TRIM9: variants seen among roughly 807,000 people sequenced by gnomAD.
TRIM9 encodes the protein tripartite motif containing 9, also known as E3 ubiquitin-protein ligase TRIM9.
In TRIM9, 26 loss-of-function variants were observed where a neutral mutation model predicts 78.3. The ratio of observed to expected loss-of-function variants is 0.33; its 90% CI spans 0.24 to 0.46. The LOEUF is 0.46. Ranked by LOEUF, TRIM9 falls within the 20% of genes least tolerant of loss-of-function variation. The pLI is 1.00. For synonymous variants in TRIM9, 398 were observed against 416.5 expected (o/e 0.96, Z 0.54); for missense variants, 787 against 1,036.4 (o/e 0.76, Z 3.30).
intron 1 of TRIM9, among the ~76,000 whole-genome samples, chr14:51,038,269 G>A (rs2059318567): frequency 1.3e-5 from 2 of 152,130 alleles, no homozygotes; most frequent in African/African-American, 4.8e-5. Flanking sequence ...GGAAGGAAAT[G>A]GATTCTCCTT....
intron 1 of TRIM9, among the ~76,000 whole-genome samples, chr14:51,046,254 A>G (rs943728401): frequency 2.0e-5 from 3 of 152,152 alleles, no homozygotes; most frequent in Non-Finnish European, 4.4e-5. Context: ...GGCTGGACCT[A>G]GTTATTATCT....
Position 50,986,101 on chromosome 14 carries a change from C to T in TRIM9, c.1647G>A (p.Ser549=). The T allele has an allele frequency of 6.5e-7, 1 of 1,544,168 alleles. No homozygotes were observed. Residue 549 remains serine, a synonymous_variant, in exon 8 of 13, where the codon TCG becomes TCA. Coordinates refer to ENST00000684578, the MANE Select transcript of TRIM9 (RefSeq NM_001387360.1). ...TCATTCTACGGAGCGGCAATCTTTC[C>T]GAAGGCACTGGAAAAGGGAGGGTCT... ...EEQTLPFPVP[S]ERLPLRRMSP...
At chr14:50,998,535 T>C (rs1474799691) in intron 6 of TRIM9, among the ~76,000 whole-genome samples, 1 of 152,186 alleles carries the variant, frequency 6.6e-6, no homozygotes, top group Non-Finnish European at 1.5e-5. Context: ...ATAGTTCAGA[T>C]TACACTTATT....
intron 1 of TRIM9, among the ~76,000 whole-genome samples, chr14:51,050,060 G>C (rs1158398344): frequency 6.6e-6 from 1 of 151,974 alleles, no homozygotes. Flanking sequence ...GTTTTTAGTG[G>C]GGGATTGATA....
At chr14:50,983,308 C>T in intron 9 of TRIM9, 72 bp downstream of exon 9, 15 of 1,266,462 alleles carry the variant, frequency 1.2e-5, no homozygotes, top group Non-Finnish European at 1.6e-5. Flanking sequence ...CAAGTTGCCG[C>T]CATTTATTTT....
At chr14:51,065,848 A>AG in intron 1 of TRIM9, among the ~76,000 whole-genome samples, 1 of 151,628 alleles carries the variant, frequency 6.6e-6, no homozygotes, top group South Asian at 2.1e-4. Context: ...CCACTTGAAG[A>AG]GGGTGCTTTG....
At chr14:51,050,400 C>T (rs752755417) in intron 1 of TRIM9, among the ~76,000 whole-genome samples, 21 of 152,324 alleles carry the variant, frequency 1.4e-4, no homozygotes, top group East Asian at 3.9e-4. Flanking sequence ...TGCCTCTTTG[C>T]CTGCCACCAT....
At chr14:51,083,063 T>C (rs773590642) in intron 1 of TRIM9, among the ~76,000 whole-genome samples, 6 of 152,186 alleles carry the variant, frequency 3.9e-5, no homozygotes, top group Admixed American at 3.9e-4. Context: ...AGTTAACACA[T>C]AGAAATTACT....
At chr14:51,020,712 G>A (rs1268843762) in intron 3 of TRIM9, among the ~76,000 whole-genome samples, 4 of 152,268 alleles carry the variant, frequency 2.6e-5, no homozygotes, top group Non-Finnish European at 5.9e-5. Flanking sequence ...ACACAGTCCT[G>A]TTCTGCAGAG....
chr14:50,995,514 T>C (rs983351404), intron 7 of TRIM9, among the ~76,000 whole-genome samples: 15 of 152,200 alleles, frequency 9.9e-5, no homozygotes, highest in African/African-American at 3.6e-4. Context: ...TGATCTCCCC[T>C]GCATAACGTT....
intron 1 of TRIM9, among the ~76,000 whole-genome samples, chr14:51,060,519 T>G (rs1353331803): frequency 6.6e-6 from 1 of 152,148 alleles, no homozygotes; most frequent in Non-Finnish European, 1.5e-5. Flanking sequence ...CAGGCTGGAG[T>G]GCAGTGGCAC....
At chr14:50,999,060 C>T (rs866668451) in intron 6 of TRIM9, among the ~76,000 whole-genome samples, 14 of 152,134 alleles carry the variant, frequency 9.2e-5, no homozygotes, top group Admixed American at 3.9e-4. Flanking sequence ...ATATGAATCA[C>T]CTGAGGATCT....
chr14:51,012,017 C>T (rs376181470), intron 3 of TRIM9, among the ~76,000 whole-genome samples: 1 of 152,204 alleles, frequency 6.6e-6, no homozygotes, highest in Non-Finnish European at 1.5e-5. Context: ...ATTTTGACAA[C>T]TCATTCATTC....
intron 1 of TRIM9, among the ~76,000 whole-genome samples, chr14:51,035,828 G>T (rs2059097391): frequency 6.6e-6 from 1 of 152,176 alleles, no homozygotes; most frequent in Admixed American, 6.5e-5. Context: ...CCCAAGGAAG[G>T]CATATTTTTG....
chr14:51,004,750 G>A (rs1217101792), intron 5 of TRIM9, among the ~76,000 whole-genome samples: 1 of 152,190 alleles, frequency 6.6e-6, no homozygotes, highest in Admixed American at 6.5e-5. Context: ...TGGCAGGACT[G>A]GCATCTGAAG....
At chr14:51,091,257 C>A (rs2064290235) in intron 1 of TRIM9, 1 of 151,998 alleles carries the variant, frequency 6.6e-6, no homozygotes, top group Admixed American at 6.6e-5. Context: ...TTTTTAATAC[C>A]ACTTTAAAAA....
intron 7 of TRIM9, among the ~76,000 whole-genome samples, chr14:50,993,835 A>G (rs1185931309): frequency 6.6e-6 from 1 of 152,194 alleles, no homozygotes; most frequent in Admixed American, 6.5e-5. Flanking sequence ...TGGCGGCTTA[A>G]AGTCCTGGAT....
At chr14:51,001,644 T>C (rs1335995240) in intron 5 of TRIM9, among the ~76,000 whole-genome samples, 1 of 152,184 alleles carries the variant, frequency 6.6e-6, no homozygotes, top group African/African-American at 2.4e-5. Context: ...CAATATTCCA[T>C]CATTTTTTTT....
At chr14:50,977,400 G>T in intron 12 of TRIM9, 47 bp from the exon 13 acceptor site, 1 of 1,426,588 alleles carries the variant, frequency 7.0e-7, no homozygotes, top group East Asian at 2.6e-5. Context: ...GCATCCCCCT[G>T]TCCCTTTACA....
Sources: allele counts gnomAD v4.1 joint callset (sites outside exome capture counted in the v4.1 genomes callset), GRCh38; gene constraint gnomAD v4.1.1; transcripts MANE v1.5; gene names NCBI Gene and HGNC (gene_info 2026-07-23, HGNC 2026-07-21).